DCAF5: variants seen among roughly 807,000 people sequenced by gnomAD.
DCAF5 encodes DDB1 and CUL4 associated factor 5, also known as DDB1- and CUL4-associated factor 5.
A neutral mutation model predicts 80.7 loss-of-function variants in DCAF5; 9 were observed. The observed-to-expected ratio is 0.11, with a 90% CI of 0.07 to 0.19. The LOEUF is 0.19. Among genes scored for constraint, DCAF5 ranks in the 10% least tolerant of loss-of-function variants. The pLI is 1.00. For missense variants in DCAF5, 842 were observed against 1,205.7 expected (o/e 0.70, Z 4.47); for synonymous variants, 433 against 461.9 (o/e 0.94, Z 0.80).
chr14:69,075,610 T>C (rs1305717974), intron 6 of DCAF5, among the ~76,000 whole-genome samples, 199 bp from the exon 7 acceptor site: 6 of 152,036 alleles, frequency 3.9e-5, no homozygotes, highest in Non-Finnish European at 7.4e-5. Context: ...ACCTCCAGAG[T>C]AGCTGGGACT....
chr14:69,064,951 A>G (rs777469348), intron 7 of DCAF5, among the ~76,000 whole-genome samples: 1 of 152,218 alleles, frequency 6.6e-6, no homozygotes, highest in Non-Finnish European at 1.5e-5. Context: ...TCATAGAACT[A>G]AAGTGCATCA....
rs1282056158 is a variant in DCAF5, at chr14:69,055,291, C to A, written c.1395G>T (p.Leu465Phe). The change falls in exon 9 of 9, where the codon TTG becomes TTT. Residue 465 changes from leucine to phenylalanine, a missense_variant. This residue lies in a region of DCAF5 where 607 missense variants were observed against 656.6 expected (regional missense o/e 0.92). Transcript: ENST00000341516. This position sits in a 1 kb window ranked among gnomAD's most constrained non-coding sequence, Gnocchi z 5.6. ...CTACTGTGGGAGGCGGGGAGCGAGG[C>A]AATGAGGCCGAAGACTCTGAGTCAG... The part of the protein sequence containing the change: ...GYTDSESSAS[L>F]PRSPPPTVDE... 2.5e-6 allele frequency: 4 copies of A among 1,614,036 alleles called. No homozygotes were observed. The African/African-American group carries it at 4.0e-5, about 16-fold the overall frequency.
intron 1 of DCAF5, among the ~76,000 whole-genome samples, chr14:69,130,255 T>C (rs1284977986): frequency 1.3e-5 from 2 of 152,236 alleles, no homozygotes; most frequent in African/African-American, 4.8e-5. Flanking sequence ...TTATCATTGT[T>C]TGAAGAGCCA....
intron 7 of DCAF5, among the ~76,000 whole-genome samples, chr14:69,068,976 T>C (rs2038576099): frequency 6.6e-6 from 1 of 152,216 alleles, no homozygotes; most frequent in African/African-American, 2.4e-5. Flanking sequence ...TCCACAGGCA[T>C]CAATGCTTAG....
chr14:69,151,624 G>A (rs1366263242), intron 1 of DCAF5, among the ~76,000 whole-genome samples: 1 of 152,142 alleles, frequency 6.6e-6, no homozygotes, highest in Non-Finnish European at 1.5e-5. Context: ...AGGTTTCGGG[G>A]AGCCGCCCCC....
chr14:69,114,782 A>G (rs1288612021), intron 5 of DCAF5, among the ~76,000 whole-genome samples: 1 of 152,204 alleles, frequency 6.6e-6, no homozygotes. Context: ...GAAAGAAACT[A>G]TATTTATTAG....
At chr14:69,147,137 T>C (rs1411580496) in intron 1 of DCAF5, among the ~76,000 whole-genome samples, 1 of 152,226 alleles carries the variant, frequency 6.6e-6, no homozygotes, top group Non-Finnish European at 1.5e-5. Context: ...ATTAATAGGT[T>C]CAAATTAAGC....
In DCAF5 at chr14:69,053,726, C is replaced by T; in HGVS notation, c.*131G>A. The stretch of plus-strand genomic sequence containing the variant: ...AATGTTGGATAGAAGGGAGCAGCAT[C>T]AGACACAAAATTTCAGGCCCTGGTT... On this transcript the variant is annotated 3_prime_UTR_variant, in exon 9 of 9. Transcript: ENST00000341516. 1.2e-6 allele frequency: 1 copy of T among 824,188 alleles called. No homozygotes were observed. Among genetic ancestry groups the T allele is most frequent in the Non-Finnish European group, 1.8e-6 (1 of 547,168 alleles). 51.1% of individuals were successfully genotyped at this position (824,188 alleles called of 1,614,324 possible).
In DCAF5 at chr14:69,083,503, T is replaced by C; in HGVS notation, c.880-8092A>G. 4 of 338,826 alleles carry C rather than the reference T, an allele frequency of 1.2e-5. No homozygotes were observed. In the South Asian group the frequency reaches 1.2e-4, roughly 10 times the overall value. The allele number at this position is 338,826 out of a possible 1,614,324, so 21.0% of individuals were successfully genotyped here. The stretch of plus-strand genomic sequence containing the variant: ...GCAGGGGGCCTCAAATCTGACCCTG[T>C]CCGAAACTCAAAATACAGATGTGTC... On this transcript the variant is annotated intron_variant, in intron 6 of 8. Transcript: ENST00000341516.
intron 2 of DCAF5, among the ~76,000 whole-genome samples, chr14:69,121,775 C>T (rs1236929104): frequency 6.6e-6 from 1 of 152,084 alleles, no homozygotes; most frequent in East Asian, 1.9e-4. Context: ...CAATTGTACC[C>T]TAACACAACA....
intron 1 of DCAF5, among the ~76,000 whole-genome samples, chr14:69,125,107 T>C (rs993788125): frequency 1.3e-5 from 2 of 152,134 alleles, no homozygotes; most frequent in Non-Finnish European, 2.9e-5. Flanking sequence ...TGAGCTAAGA[T>C]TCAAAAGCAA....
chr14:69,070,274 A>G (rs1190689840), intron 7 of DCAF5, among the ~76,000 whole-genome samples: 2 of 152,220 alleles, frequency 1.3e-5, no homozygotes, highest in African/African-American at 2.4e-5. Flanking sequence ...AGAGACACCT[A>G]CCAACCTTTC....
chr14:69,096,824 A>G (rs993873480), intron 5 of DCAF5, among the ~76,000 whole-genome samples: 2 of 152,186 alleles, frequency 1.3e-5, no homozygotes, highest in Non-Finnish European at 2.9e-5. Flanking sequence ...TGAAATAACA[A>G]TTTTCATAAA....
At chr14:69,058,737 G>A (rs998228206) in intron 8 of DCAF5, among the ~76,000 whole-genome samples, 1 of 151,770 alleles carries the variant, frequency 6.6e-6, no homozygotes, top group Non-Finnish European at 1.5e-5. Flanking sequence ...GCCAGGAGTG[G>A]TGGTGTACAC....
Position 69,055,146 on chromosome 14 carries a change from A to G in DCAF5, c.1540T>C (p.Ser514Pro). The stretch of plus-strand genomic sequence containing the variant: ...TTGTCTTGGTAGCGCCGCAGAGCAG[A>G]CAGACGCTGCTGGCGAGAGGCTGCA... ...EDAASRQQRL[S>P]ALRRYQDKRL... The change falls in exon 9 of 9, where the codon TCT becomes CCT. Residue 514 changes from serine to proline, a missense_variant. This residue lies in a region of DCAF5 where 607 missense variants were observed against 656.6 expected (regional missense o/e 0.92). Transcript: ENST00000341516. This position sits in a 1 kb window ranked among gnomAD's most constrained non-coding sequence, Gnocchi z 5.6. 1 of 1,614,228 alleles carries G rather than the reference A, an allele frequency of 6.2e-7. No individual in the cohort carries two copies. Among genetic ancestry groups the G allele is most frequent in the Non-Finnish European group, 8.5e-7 (1 of 1,180,044 alleles).
At chr14:69,097,699 G>C (rs535933690) in intron 5 of DCAF5, among the ~76,000 whole-genome samples, 1 of 150,774 alleles carries the variant, frequency 6.6e-6, no homozygotes, top group East Asian at 2.0e-4. Flanking sequence ...CAACTCTCCT[G>C]CCTCAGCCTC....
chr14:69,085,876 T>C (rs909483030), intron 6 of DCAF5, among the ~76,000 whole-genome samples: 1 of 152,204 alleles, frequency 6.6e-6, no homozygotes, highest in Non-Finnish European at 1.5e-5. Context: ...GACCATATCA[T>C]TGCTTGATCT....
intron 6 of DCAF5, among the ~76,000 whole-genome samples, chr14:69,076,325 G>T (rs1009052549): frequency 1.3e-5 from 2 of 152,166 alleles, no homozygotes; most frequent in African/African-American, 4.8e-5. Flanking sequence ...GACTCTAAGA[G>T]ATATCTGTAT....
At chr14:69,067,337 C>CTTTTTT (rs58620965) in intron 7 of DCAF5, among the ~76,000 whole-genome samples, 18 of 115,124 alleles carry the variant, frequency 1.6e-4, no homozygotes, top group African/African-American at 2.8e-4. Context: ...GATTTCGTAT[C>CTTTTTT]TTTTTTTTTT....
Sources: allele counts gnomAD v4.1 joint callset (sites outside exome capture counted in the v4.1 genomes callset), GRCh38; gene constraint gnomAD v4.1.1; regional missense constraint gnomAD v4.1.1; non-coding constraint Gnocchi (gnomAD v3.1); transcripts MANE v1.5; gene names NCBI Gene and HGNC (gene_info 2026-07-23, HGNC 2026-07-21).